Variants in ZFAT observed in about 807,000 individuals in gnomAD.
The protein encoded by ZFAT is zinc finger protein ZFAT.
In ZFAT, 64 loss-of-function variants were observed where a neutral mutation model predicts 117.7. The ratio of observed to expected loss-of-function variants is 0.54; its 90% CI spans 0.44 to 0.67. The LOEUF (loss-of-function observed/expected upper bound fraction) is 0.67. Among genes scored for constraint, ZFAT ranks in the 30% least tolerant of loss-of-function variants. The pLI, the probability that ZFAT is intolerant of heterozygous loss-of-function variation, is 0.00. For synonymous variants in ZFAT, 679 were observed against 615.0 expected, an observed-to-expected ratio of 1.10 and a Z score of -1.54; for missense variants, 1,433 against 1,584.5, an observed-to-expected ratio of 0.90 and a Z score of 1.62.
chr8:134,761,748 C>T, the ZFAT span, among the ~76,000 whole-genome samples: 1 of 151,844 alleles, frequency 6.6e-6, no homozygotes, highest in Non-Finnish European at 1.5e-5. Flanking sequence ...ACAATAAGCA[C>T]TTATTTTTCA....
At chr8:134,623,433 T>C (rs540200843) in intron 3 of ZFAT, among the ~76,000 whole-genome samples, 1 of 152,298 alleles carries the variant, frequency 6.6e-6, no homozygotes, top group South Asian at 2.1e-4. Flanking sequence ...CGGCATGCCC[T>C]CTTGGATATC....
At chr8:134,503,711 T>G (rs1819164991) in intron 15 of ZFAT, among the ~76,000 whole-genome samples, 1 of 152,118 alleles carries the variant, frequency 6.6e-6, no homozygotes, top group South Asian at 2.1e-4. Context: ...GAATTCTTCC[T>G]CCCAACAGCC....
the ZFAT span, among the ~76,000 whole-genome samples, chr8:134,744,697 A>T: frequency 4.7e-5 from 7 of 150,136 alleles, no homozygotes; most frequent in East Asian, 1.2e-3. Flanking sequence ...TTGTACTTCA[A>T]ATCTCTTCCT....
chr8:134,653,213 C>T (rs1476192188), intron 2 of ZFAT, among the ~76,000 whole-genome samples: 1 of 125,618 alleles, frequency 8.0e-6, no homozygotes, highest in East Asian at 2.4e-4. Flanking sequence ...TACATGTGCA[C>T]AACGTGCAGG....
At chr8:134,634,875 A>C (rs1195219276) in intron 3 of ZFAT, among the ~76,000 whole-genome samples, 1 of 152,154 alleles carries the variant, frequency 6.6e-6, no homozygotes, top group Non-Finnish European at 1.5e-5. Context: ...GACTGGTTTC[A>C]TGGAAGATAA....
the ZFAT span, among the ~76,000 whole-genome samples, chr8:134,817,065 T>C: frequency 6.6e-6 from 1 of 152,114 alleles, no homozygotes; most frequent in African/African-American, 2.4e-5. Context: ...TAATAGTTAA[T>C]TTAATGTGTC....
intron 1 of ZFAT, among the ~76,000 whole-genome samples, chr8:134,663,713 C>T (rs190978188): frequency 2.0e-5 from 3 of 152,250 alleles, no homozygotes; most frequent in African/African-American, 4.8e-5. Context: ...ACTCTAGCCT[C>T]GGTGACAGAG....
At chr8:134,800,306 A>G in the ZFAT span, among the ~76,000 whole-genome samples, 1 of 152,174 alleles carries the variant, frequency 6.6e-6, no homozygotes, top group East Asian at 1.9e-4. Context: ...TTCTGTTTTA[A>G]CTACTCCTAC....
At chr8:134,778,662 T>C in the ZFAT span, among the ~76,000 whole-genome samples, 58 of 152,234 alleles carry the variant, frequency 3.8e-4, no homozygotes, top group Non-Finnish European at 7.8e-4. Flanking sequence ...GCAAAGTCTA[T>C]GATAGAGGAA....
chr8:134,804,641 T>C, the ZFAT span, among the ~76,000 whole-genome samples: 34 of 152,298 alleles, frequency 2.2e-4, no homozygotes, highest in Non-Finnish European at 2.9e-4. Context: ...GCGGTGACAC[T>C]TTTTATTTAA....
chr8:134,489,438 C>T (rs1477118902), intron 15 of ZFAT, among the ~76,000 whole-genome samples: 2 of 152,154 alleles, frequency 1.3e-5, no homozygotes, highest in African/African-American at 4.8e-5. Flanking sequence ...CCGACCCTCA[C>T]AGCTCAGTCT....
intron 1 of ZFAT, among the ~76,000 whole-genome samples, chr8:134,692,427 G>A (rs765153410): frequency 1.6e-4 from 25 of 152,132 alleles, no homozygotes; most frequent in Non-Finnish European, 2.8e-4. Flanking sequence ...ACCTCAATGG[G>A]GCAAGTCCCT....
intron 1 of ZFAT, among the ~76,000 whole-genome samples, chr8:134,662,722 T>A (rs1831993465): frequency 6.6e-6 from 1 of 152,198 alleles, no homozygotes; most frequent in Non-Finnish European, 1.5e-5. Flanking sequence ...GGCCAGCATC[T>A]ATATTAAAAT....
intron 11 of ZFAT, among the ~76,000 whole-genome samples, chr8:134,546,541 T>C (rs1404536711): frequency 6.6e-6 from 1 of 152,210 alleles, no homozygotes; most frequent in Non-Finnish European, 1.5e-5. Flanking sequence ...TTCTGAGACT[T>C]AGAAAGCAAT....
the ZFAT span, among the ~76,000 whole-genome samples, chr8:134,812,692 T>C: frequency 6.6e-6 from 1 of 152,142 alleles, no homozygotes; most frequent in African/African-American, 2.4e-5. Flanking sequence ...GCCAAGATTA[T>C]GCCACTGTAC....
chr8:134,799,736 A>G, the ZFAT span, among the ~76,000 whole-genome samples: 1 of 152,218 alleles, frequency 6.6e-6, no homozygotes, highest in African/African-American at 2.4e-5. Flanking sequence ...CTTTGCCACT[A>G]TATTACAACA....
chr8:134,527,344 G>C, intron 12 of ZFAT, among the ~76,000 whole-genome samples: 1 of 152,250 alleles, frequency 6.6e-6, no homozygotes, highest in Non-Finnish European at 1.5e-5. Flanking sequence ...CCACCACGAA[G>C]TGTGTGGTGA....
At chr8:134,485,208 G>C (rs1257561584) in intron 15 of ZFAT, among the ~76,000 whole-genome samples, 2 of 152,148 alleles carry the variant, frequency 1.3e-5, no homozygotes, top group Non-Finnish European at 2.9e-5. Context: ...TGGGTCCTGG[G>C]GAGTTATGTA....
intron 1 of ZFAT, among the ~76,000 whole-genome samples, chr8:134,677,197 C>T (rs946735444): frequency 1.6e-4 from 24 of 152,060 alleles, no homozygotes; most frequent in Admixed American, 9.8e-4. Context: ...AGACTTCTAG[C>T]CAGACTAATA....
Sources: allele counts gnomAD v4.1 joint callset (sites outside exome capture counted in the v4.1 genomes callset), GRCh38; gene constraint gnomAD v4.1.1; transcripts MANE v1.5; gene names NCBI Gene and HGNC (gene_info 2026-07-23, HGNC 2026-07-21).